PBX4: variants seen among roughly 807,000 people sequenced by gnomAD.
PBX4 encodes PBX homeobox 4, also known as pre-B-cell leukemia transcription factor 4.
A neutral mutation model predicts 35.1 loss-of-function variants in PBX4; 26 were observed. The ratio of observed to expected loss-of-function variants is 0.74; its 90% CI spans 0.54 to 1.03. The LOEUF (loss-of-function observed/expected upper bound fraction) is 1.03. Ranked by LOEUF, PBX4 falls within the 50% of genes least tolerant of loss-of-function variation. The pLI, the probability that PBX4 is intolerant of heterozygous loss-of-function variation, is 0.00. For missense variants in PBX4, 448 were observed against 504.3 expected, an observed-to-expected ratio of 0.89 and a Z score of 1.07; for synonymous variants, 199 against 204.2, an observed-to-expected ratio of 0.97 and a Z score of 0.22.
At chr19:19,598,814 C>T (rs1027582759) in intron 2 of PBX4, among the ~76,000 whole-genome samples, 16 of 151,528 alleles carry the variant, frequency 1.1e-4, no homozygotes, top group African/African-American at 3.4e-4. Flanking sequence ...CCGTCTTCTG[C>T]GAGACAGAAG....
chr19:19,609,591 C>T (rs1235159213), intron 1 of PBX4, among the ~76,000 whole-genome samples: 1 of 149,904 alleles, frequency 6.7e-6, no homozygotes, highest in Non-Finnish European at 1.5e-5. Context: ...TGATTCACGC[C>T]TGTAATCCCA....
chr19:19,618,481 C>T, intron 1 of PBX4, 30 bp downstream of exon 1: 5 of 1,424,396 alleles, frequency 3.5e-6, no homozygotes, highest in South Asian at 3.0e-5. Context: ...CACGACCCTG[C>T]GTGGCCCCTG....
chr19:19,600,646 C>T (rs1488837732), intron 1 of PBX4, among the ~76,000 whole-genome samples: 1 of 151,816 alleles, frequency 6.6e-6, no homozygotes, highest in African/African-American at 2.4e-5. Context: ...TGGTGAAACC[C>T]CGTCTCTACT....
chr19:19,612,380 C>T (rs969888763), intron 1 of PBX4, among the ~76,000 whole-genome samples: 67 of 151,978 alleles, frequency 4.4e-4, no homozygotes, highest in Non-Finnish European at 1.5e-4. Context: ...GAGGGCCTCA[C>T]GACTGAGATG....
At chr19:19,568,406 T>A (rs559898964) in intron 5 of PBX4, among the ~76,000 whole-genome samples, 54 of 144,084 alleles carry the variant, frequency 3.7e-4, no homozygotes, top group South Asian at 3.0e-3. Flanking sequence ...ACACTCCATC[T>A]GTATCCCTCA....
At chr19:19,568,932 T>C (rs1189582035) in intron 5 of PBX4, among the ~76,000 whole-genome samples, 1 of 152,248 alleles carries the variant, frequency 6.6e-6, no homozygotes, top group Non-Finnish European at 1.5e-5. Flanking sequence ...GGTCTCTCTG[T>C]GGGTACACTT....
At chr19:19,605,416 AAATAATAATAAT>A (rs34936775) in intron 1 of PBX4, among the ~76,000 whole-genome samples, 1 of 139,360 alleles carries the variant, frequency 7.2e-6, no homozygotes. Context: ...CTCTGTCTCA[AAATAATAATAAT>A]AATAATAATA....
chr19:19,568,226 T>G (rs1052797349), intron 5 of PBX4, among the ~76,000 whole-genome samples: 6 of 144,384 alleles, frequency 4.2e-5, no homozygotes, highest in Non-Finnish European at 9.1e-5. Context: ...GAGCTCACAC[T>G]CCATCTGTAT....
At chr19:19,589,473 GAAAA>G (rs775462516) in intron 2 of PBX4, among the ~76,000 whole-genome samples, 2 of 150,748 alleles carry the variant, frequency 1.3e-5, no homozygotes, top group Non-Finnish European at 3.0e-5. Flanking sequence ...GAAAAAGAAA[GAAAA>G]AAAAGTTCTG....
At chr19:19,594,084 TAAA>T (rs1173832310) in intron 2 of PBX4, among the ~76,000 whole-genome samples, 2 of 129,858 alleles carry the variant, frequency 1.5e-5, no homozygotes, top group East Asian at 4.3e-4. Flanking sequence ...GTGTCTTAAT[TAAA>T]AAAAAAAAAA....
intron 1 of PBX4, among the ~76,000 whole-genome samples, chr19:19,602,702 T>A (rs1384211509): frequency 6.6e-6 from 1 of 152,052 alleles, no homozygotes; most frequent in East Asian, 1.9e-4. Context: ...CTCAAAGTAT[T>A]GGGATTATAG....
intron 1 of PBX4, among the ~76,000 whole-genome samples, chr19:19,616,090 A>T (rs891191335): frequency 6.6e-6 from 1 of 151,942 alleles, no homozygotes; most frequent in South Asian, 2.1e-4. Flanking sequence ...TCCCCATTCA[A>T]CAAGGCCTCA....
chr19:19,567,888 C>A (rs2061352939), intron 5 of PBX4, among the ~76,000 whole-genome samples: 1 of 151,758 alleles, frequency 6.6e-6, no homozygotes, highest in Non-Finnish European at 1.5e-5. Context: ...CCATCTGTAT[C>A]CCTCAGGGAG....
intron 2 of PBX4, among the ~76,000 whole-genome samples, chr19:19,578,407 G>C (rs1324329200): frequency 6.6e-6 from 1 of 152,018 alleles, no homozygotes; most frequent in Non-Finnish European, 1.5e-5. Context: ...GCCTAATTAT[G>C]GTCATTAGAC....
chr19:19,593,487 A>C (rs1268283544), intron 2 of PBX4, among the ~76,000 whole-genome samples: 1 of 152,166 alleles, frequency 6.6e-6, no homozygotes, highest in African/African-American at 2.4e-5. Flanking sequence ...CTTTCCTGCC[A>C]CTGGCTGGTT....
chr19:19,575,049 G>A (rs566706146), intron 2 of PBX4, among the ~76,000 whole-genome samples: 9 of 151,786 alleles, frequency 5.9e-5, no homozygotes, highest in East Asian at 1.9e-4. Context: ...TGGCTAACAC[G>A]GTGAAACCCC....
chr19:19,562,124 C>T lies in PBX4; in HGVS notation c.1033-7G>A, dbSNP rs535622871. 1.1e-4 allele frequency: 177 copies of T among 1,605,326 alleles called. 1 individual carries two copies. The South Asian group carries it at 1.4e-3, about 13-fold the overall frequency. ...CCTGCCAGCTACCCTGGGCCTGAAA[C>T]GACAGAGACTGAGCATCAGAGTGGG... is the stretch of plus-strand genomic sequence containing the variant. On this transcript the variant is annotated splice_region_variant and splice_polypyrimidine_tract_variant and intron_variant, in intron 7 of 7. Transcript: ENST00000251203. This position sits in a 1 kb window ranked among gnomAD's most constrained non-coding sequence, Gnocchi z 4.8.
chr19:19,568,348 T>TGCATCCCTCAGGGAGCTCACACTCTATCA (rs2061357497), intron 5 of PBX4, among the ~76,000 whole-genome samples: 2 of 137,944 alleles, frequency 1.4e-5, no homozygotes, highest in Non-Finnish European at 1.6e-5. Flanking sequence ...ACACTCCATC[T>TGCATCCCTCAGGGAGCTCACACTCTATCA]GTATCCCTCA....
chr19:19,572,850 G>A (rs1293414800), intron 2 of PBX4, among the ~76,000 whole-genome samples: 8 of 105,270 alleles, frequency 7.6e-5, no homozygotes, highest in African/African-American at 1.4e-4. Context: ...GCGAGACTCC[G>A]TCTCAAAAAA....
Sources: gnomAD v4.1 joint callset for allele counts (sites outside exome capture counted in the v4.1 genomes callset) on GRCh38, gnomAD v4.1.1 for gene constraint, Gnocchi (gnomAD v3.1) non-coding constraint, MANE v1.5 for transcripts, NCBI Gene and HGNC (gene_info 2026-07-23, HGNC 2026-07-21) for gene names.